The following ADAM28 variants were observed in gnomAD, a reference collection of about 807,000 sequenced individuals.
ADAM28 encodes the protein disintegrin and metalloproteinase domain-containing protein 28.
ADAM28 carries 105 observed loss-of-function variants against 101.2 expected under a neutral mutation model. The ratio of observed to expected loss-of-function variants is 1.04; its 90% CI spans 0.89 to 1.22. The LOEUF (loss-of-function observed/expected upper bound fraction) is 1.22. ADAM28 is among the 50% of genes most tolerant of loss of function. ADAM28 has a pLI of 0.00. For missense variants in ADAM28, 1,028 were observed against 945.4 expected (o/e 1.09, Z -1.15); for synonymous variants, 322 against 310.6 (o/e 1.04, Z -0.39).
chr8:24,357,707 A>AGAT lies in ADAM28; in HGVS notation c.*3304_*3306dup, dbSNP rs1433573655. 3 of 152,242 alleles carry AGAT rather than the reference A, an allele frequency of 2.0e-5. No homozygotes were observed. The East Asian group carries it at 5.8e-4, about 29-fold the overall frequency. The allele number at this position is 152,242 out of a possible 1,614,324, so 9.4% of individuals were successfully genotyped here. A position where few individuals can be genotyped will look rare whatever the true frequency, so the allele number is the denominator to read the frequency against. The stretch of plus-strand genomic sequence containing the variant: ...AACCATATAATGTTTTAAATGCTCC[A>AGAT]GATAGGTTTAGGTAAAATTAACTAT... On this transcript the variant is annotated 3_prime_UTR_variant, in exon 23 of 23. Coordinates refer to ENST00000265769, the MANE Select transcript of ADAM28 (RefSeq NM_014265.6).
intron 18 of ADAM28, among the ~76,000 whole-genome samples, chr8:24,343,804 C>A (rs1815083706): frequency 6.6e-6 from 1 of 152,088 alleles, no homozygotes; most frequent in Non-Finnish European, 1.5e-5. Context: ...TTTCCTCAAC[C>A]TTTATATTTG....
chr8:24,349,068 C>A lies in ADAM28; in HGVS notation c.1991-796C>A, dbSNP rs116265753. On this transcript the variant is annotated intron_variant, in intron 18 of 22. Coordinates refer to ENST00000265769, the MANE Select transcript of ADAM28 (RefSeq NM_014265.6). ...TAGAATTCTGCTTCTGATGTGTCTA[C>A]CTCTATCTGCATGTGTGTGTGTGCT... is the stretch of plus-strand genomic sequence containing the variant. Among the ~76,000 whole-genome samples, 672 of 152,218 alleles carry A rather than the reference C, an allele frequency of 4.4e-3. 5 individuals carry two copies. Among genetic ancestry groups the A allele is most frequent in the African/African-American group, 0.015 (642 of 41,554 alleles).
chr8:24,344,805 T>C (rs1278809870), intron 18 of ADAM28, among the ~76,000 whole-genome samples: 2 of 152,134 alleles, frequency 1.3e-5, no homozygotes, highest in African/African-American at 4.8e-5. Flanking sequence ...TCTATTGATT[T>C]GCTAAGTCAC....
intron 18 of ADAM28, among the ~76,000 whole-genome samples, chr8:24,346,020 A>C (rs936323074): frequency 6.6e-6 from 1 of 152,018 alleles, no homozygotes; most frequent in Non-Finnish European, 1.5e-5. Context: ...TTATCTAACC[A>C]TCAAGGAAAG....
intron 1 of ADAM28, among the ~76,000 whole-genome samples, chr8:24,297,680 C>T (rs1316093303): frequency 4.6e-5 from 7 of 152,082 alleles, no homozygotes; most frequent in African/African-American, 1.7e-4. Flanking sequence ...TTATGGTATG[C>T]TTGTTTTGTG....
chr8:24,302,348 C>G (rs1808895391), intron 2 of ADAM28, among the ~76,000 whole-genome samples: 1 of 152,142 alleles, frequency 6.6e-6, no homozygotes, highest in Non-Finnish European at 1.5e-5. Flanking sequence ...CACTCATGGG[C>G]ATTTGGGTTG....
At position 24,341,765 on chromosome 8, in the gene ADAM28, GA is replaced by G. The variant is rs748552693; in HGVS notation, c.1830+11del. The stretch of plus-strand genomic sequence containing the variant: ...AAGTGTGGCGATAACAAGGTAAGTT[GA>G]AATTGTGGCTTTCACTCAAAATAGT... On this transcript the variant is annotated intron_variant, in intron 16 of 22. Transcript: ENST00000265769. The G allele has an allele frequency of 1.2e-6, 2 of 1,613,348 alleles. No homozygotes were observed. Among genetic ancestry groups the G allele is most frequent in the South Asian group, 2.2e-5 (2 of 90,932 alleles).
At chr8:24,339,845 G>A (rs1329845986) in intron 15 of ADAM28, among the ~76,000 whole-genome samples, 1 of 152,156 alleles carries the variant, frequency 6.6e-6, no homozygotes, top group East Asian at 1.9e-4. Flanking sequence ...TGGTTGTGAT[G>A]GAACATGCCA....
intron 2 of ADAM28, chr8:24,301,078 A>T (rs1027188425): frequency 8.5e-5 from 13 of 152,256 alleles, no homozygotes; most frequent in African/African-American, 2.9e-4. Flanking sequence ...AGCCAGCAAG[A>T]TACAGATAAA....
rs367888956 is a variant in ADAM28 at position 24,335,397 on chromosome 8, T to C, written c.1372-49T>C. Reference sequence around the variant, plus strand: ...TTTGTGTTAATTTGAGGTATTAGGGTAAAGCAGGTAGGGAGAATAAAAAGC... The same window carrying C: ...TTTGTGTTAATTTGAGGTATTAGGGCAAAGCAGGTAGGGAGAATAAAAAGC... On this transcript the variant is annotated intron_variant, in intron 13 of 22. Transcript: ENST00000265769. 3.8e-5 allele frequency: 58 copies of C among 1,524,962 alleles called. No individual in the cohort carries two copies. In the African/African-American group the frequency reaches 6.9e-4, roughly 18 times the overall value. The allele number at this position is 1,524,962 out of a possible 1,614,324, so 94.5% of individuals were successfully genotyped here.
intron 9 of ADAM28, 89 bp from the exon 10 acceptor site, chr8:24,326,465 T>C: frequency 1.6e-6 from 2 of 1,233,454 alleles, no homozygotes; most frequent in Non-Finnish European, 1.1e-6. Flanking sequence ...TGAGTTTTTC[T>C]GCTAACCATT....
At chr8:24,343,403 CTG>C in intron 17 of ADAM28, 101 bp from the exon 18 acceptor site, 1 of 1,216,302 alleles carries the variant, frequency 8.2e-7, no homozygotes, top group Non-Finnish European at 1.2e-6. Flanking sequence ...AGCCTGGAGA[CTG>C]GGGTTATTCC....
chr8:24,335,561 C>T lies in ADAM28; in HGVS notation c.1487C>T (p.Pro496Leu), dbSNP rs1813915606. 2 of 1,613,974 alleles carry T rather than the reference C, an allele frequency of 1.2e-6. No homozygotes were observed. Among genetic ancestry groups the T allele is most frequent in the Non-Finnish European group, 1.7e-6 (2 of 1,179,936 alleles). Residue 496 changes from proline to leucine, a missense_variant, in exon 14 of 23, where the codon CCT becomes CTT. Transcript: ENST00000265769. The part of the protein sequence containing the change: ...PDDRFQVNGF[P>L]CHHGKGHCLM... Reference sequence around the variant, plus strand: ...GATAGATTCCAAGTCAATGGCTTCCCTTGCCATCACGGGAAGGGCCACTGC... The same window carrying T: ...GATAGATTCCAAGTCAATGGCTTCCTTTGCCATCACGGGAAGGGCCACTGC...
At position 24,339,530 on chromosome 8, in the gene ADAM28, T is replaced by C. The variant is rs748155557; in HGVS notation, c.1632T>C (p.Cys544=). 2.5e-6 allele frequency: 4 copies of C among 1,612,962 alleles called. No homozygotes were observed. Among genetic ancestry groups the C allele is most frequent in the Non-Finnish European group, 3.4e-6 (4 of 1,179,496 alleles). The change falls in exon 15 of 23, where the codon TGT becomes TGC. Residue 544 remains cysteine (C), a synonymous_variant. Transcript: ENST00000265769. ...RNEGGSKYGY[C]RRVDDTLIPC... ...AAGGTGGGTCAAAGTACGGGTACTG[T>C]CGCAGAGTGGATGACACACTCATTC...
intron 2 of ADAM28, 49 bp from the exon 3 acceptor site, chr8:24,309,845 C>A: frequency 1.5e-6 from 2 of 1,332,366 alleles, no homozygotes; most frequent in South Asian, 2.5e-5. Flanking sequence ...ATATAATAGT[C>A]AAATGAATAT....
rs145558302 is a variant in ADAM28 at position 24,316,359 on chromosome 8, A to T, written c.576+2779A>T. On this transcript the variant is annotated intron_variant, in intron 6 of 22. Transcript: ENST00000265769. ...AACTTTTATCCTTGGCTTAGTTGGA[A>T]TTCGAGTTTTGATAAGAAAGGTGTG... Among the ~76,000 whole-genome samples the T allele has an allele frequency of 6.2e-3, 940 of 152,100 alleles. 15 individuals carry two copies. The highest frequency in any genetic ancestry group is 0.022 in the African/African-American group (899 of 41,542).
chr8:24,354,263 G>C (rs1006079135), intron 22 of ADAM28, 121 bp from the exon 23 acceptor site: 45 of 848,328 alleles, frequency 5.3e-5, no homozygotes, highest in Admixed American at 5.5e-5. Flanking sequence ...GCTGTATCAA[G>C]TGACCTATGA....
At chr8:24,338,010 G>T (rs1814297179) in intron 14 of ADAM28, among the ~76,000 whole-genome samples, 1 of 152,168 alleles carries the variant, frequency 6.6e-6, no homozygotes, top group African/African-American at 2.4e-5. Context: ...CAGTGTCACA[G>T]AAAACATAAC....
intron 2 of ADAM28, 126 bp from the exon 3 acceptor site, chr8:24,309,768 G>A (rs903368262): frequency 1.5e-6 from 1 of 647,126 alleles, no homozygotes; most frequent in Non-Finnish European, 2.7e-6. Context: ...AAGAGGGGAA[G>A]AGGCAAGTAT....
Sources: gnomAD v4.1 joint callset for allele counts (sites outside exome capture counted in the v4.1 genomes callset) on GRCh38, gnomAD v4.1.1 for gene constraint, MANE v1.5 for transcripts, NCBI Gene and HGNC (gene_info 2026-07-23, HGNC 2026-07-21) for gene names.